The following ANKIB1 variants were observed in gnomAD, a reference collection of about 807,000 sequenced individuals.
ANKIB1 encodes the protein ankyrin repeat and IBR domain containing 1, also known as ankyrin repeat and IBR domain-containing protein 1.
ANKIB1 carries 43 observed loss-of-function variants against 122.1 expected under a neutral mutation model. The observed-to-expected ratio is 0.35, with a 90% CI of 0.28 to 0.45. ANKIB1 has a LOEUF of 0.45. ANKIB1 is among the 20% of genes least tolerant of loss of function. ANKIB1 has a pLI of 1.00. For synonymous variants in ANKIB1, 390 were observed against 442.0 expected (o/e 0.88, Z 1.48); for missense variants, 992 against 1,329.5 (o/e 0.75, Z 3.95).
chr7:92,286,128 T>C (rs1802117707), intron 1 of ANKIB1, among the ~76,000 whole-genome samples: 1 of 152,200 alleles, frequency 6.6e-6, no homozygotes, highest in Non-Finnish European at 1.5e-5. Context: ...CCATTCTCCT[T>C]ATTTTTCTCC....
intron 1 of ANKIB1, among the ~76,000 whole-genome samples, chr7:92,251,450 C>G (rs1801329317): frequency 1.3e-5 from 2 of 152,128 alleles, no homozygotes; most frequent in Admixed American, 1.3e-4. Context: ...TTCACATTTG[C>G]TGTATCACTA....
chr7:92,395,615 T>C (rs1804872361), intron 17 of ANKIB1, among the ~76,000 whole-genome samples: 1 of 146,260 alleles, frequency 6.8e-6, no homozygotes, highest in African/African-American at 2.5e-5. Flanking sequence ...CTCGGATCAC[T>C]GCAACCTCCA....
In ANKIB1 at chr7:92,279,353, C is replaced by T. The variant is rs565432738; in HGVS notation, c.-90-15536C>T. Reference sequence around the variant, plus strand: ...GAGGGATCATACTTCTTGTGATGTGCGCCAACTTGTAGCTTTTGGCAGGAA... The same window carrying T: ...GAGGGATCATACTTCTTGTGATGTGTGCCAACTTGTAGCTTTTGGCAGGAA... On this transcript the variant is annotated intron_variant, in intron 1 of 19. Transcript: ENST00000265742. 3.0e-4 allele frequency among the ~76,000 whole-genome samples: 46 copies of T among 152,224 alleles called. 1 individual carries two copies. In the South Asian group the frequency reaches 8.1e-3, roughly 27 times the overall value.
intron 17 of ANKIB1, among the ~76,000 whole-genome samples, chr7:92,393,052 T>A (rs1239364498): frequency 6.6e-6 from 1 of 152,100 alleles, no homozygotes; most frequent in Non-Finnish European, 1.5e-5. Flanking sequence ...GCCTATAATA[T>A]GATAACCCTT....
intron 12 of ANKIB1, among the ~76,000 whole-genome samples, chr7:92,387,182 A>T (rs1804673673): frequency 6.6e-6 from 1 of 151,950 alleles, no homozygotes; most frequent in South Asian, 2.1e-4. Context: ...AAGAGTACCA[A>T]CCCTATCAGA....
intron 1 of ANKIB1, among the ~76,000 whole-genome samples, chr7:92,262,195 A>G (rs768555890): frequency 2.6e-5 from 4 of 152,210 alleles, no homozygotes; most frequent in Non-Finnish European, 5.9e-5. Context: ...TGTAACTGTT[A>G]TATTTTGTTG....
At chr7:92,306,749 A>G (rs1220611120) in intron 2 of ANKIB1, among the ~76,000 whole-genome samples, 2 of 152,190 alleles carry the variant, frequency 1.3e-5, no homozygotes, top group African/African-American at 2.4e-5. Flanking sequence ...TGATATTTTT[A>G]TAATAGCTCA....
chr7:92,258,423 A>AC (rs1554333311), intron 1 of ANKIB1, among the ~76,000 whole-genome samples: 4 of 151,990 alleles, frequency 2.6e-5, no homozygotes, highest in African/African-American at 7.3e-5. Context: ...GCTGGGCCTC[A>AC]CCCCCCCAAA....
chr7:92,377,337 T>TA (rs1297648954), intron 11 of ANKIB1, among the ~76,000 whole-genome samples: 2 of 152,212 alleles, frequency 1.3e-5, no homozygotes, highest in Non-Finnish European at 2.9e-5. Flanking sequence ...ATATATATAT[T>TA]AAGTTTGCCA....
chr7:92,304,847 T>A (rs182162943), intron 2 of ANKIB1, among the ~76,000 whole-genome samples: 21 of 152,202 alleles, frequency 1.4e-4, no homozygotes, highest in Admixed American at 1.3e-3. Flanking sequence ...TTAAGCAACA[T>A]TATGGCTGTA....
intron 1 of ANKIB1, among the ~76,000 whole-genome samples, chr7:92,291,983 A>T (rs1157835760): frequency 1.3e-5 from 2 of 152,170 alleles, no homozygotes; most frequent in African/African-American, 4.8e-5. Context: ...TAGAAGCCCA[A>T]AATAAGGAAT....
In ANKIB1 at chr7:92,255,366, T is replaced by C. The variant is rs369271892; in HGVS notation, c.-91+8847T>C. Among the ~76,000 whole-genome samples the C allele has an allele frequency of 1.7e-4, 26 of 152,320 alleles. 1 individual carries two copies. The highest frequency in any genetic ancestry group is 2.8e-4 in the Non-Finnish European group (19 of 68,018). On this transcript the variant is annotated intron_variant, in intron 1 of 19. Coordinates refer to ENST00000265742, the MANE Select transcript of ANKIB1 (RefSeq NM_019004.2). ...TATAAATAAACAAGGGGGATTATTT[T>C]CCTCAAGTAATGAGAAATTAGAGGT...
chr7:92,303,766 A>G (rs1322153100), intron 2 of ANKIB1, among the ~76,000 whole-genome samples: 1 of 152,196 alleles, frequency 6.6e-6, no homozygotes, highest in East Asian at 1.9e-4. Flanking sequence ...ATTAGGGACA[A>G]TGATGAATAA....
Position 92,246,452 on chromosome 7 carries a change from G to GGGC in ANKIB1, c.-152_-150dup, listed in dbSNP as rs754856526. Reference sequence around the variant, plus strand: ...GTCACCAGCTCGGCTGTAGAGGCAGGGGCGGCGGAGGCGGAACTGCGGAGT... The same window carrying GGGC: ...GTCACCAGCTCGGCTGTAGAGGCAGGGGCGGCGGCGGAGGCGGAACTGCGGAGT... On this transcript the variant is annotated 5_prime_UTR_variant, in exon 1 of 20. Coordinates refer to ENST00000265742, the MANE Select transcript of ANKIB1 (RefSeq NM_019004.2). 7.7e-6 allele frequency: 4 copies of GGGC among 517,720 alleles called. No homozygotes were observed. Among genetic ancestry groups the GGGC allele is most frequent in the African/African-American group, 7.7e-5 (4 of 51,952 alleles). 32.1% of individuals were successfully genotyped at this position (517,720 alleles called of 1,614,324 possible). A position where few individuals can be genotyped will look rare whatever the true frequency, so the allele number is the denominator to read the frequency against.
At chr7:92,384,816 A>G (rs1277232051) in intron 11 of ANKIB1, among the ~76,000 whole-genome samples, 2 of 152,244 alleles carry the variant, frequency 1.3e-5, no homozygotes, top group East Asian at 1.9e-4. Flanking sequence ...CATTCAGGAC[A>G]TAGGCATGGA....
intron 3 of ANKIB1, among the ~76,000 whole-genome samples, chr7:92,308,077 G>A (rs1172154607): frequency 6.6e-6 from 1 of 151,800 alleles, no homozygotes; most frequent in Non-Finnish European, 1.5e-5. Context: ...TCACCATGTT[G>A]GCCAGGATGG....
chr7:92,279,834 C>A (rs1801980726), intron 1 of ANKIB1, among the ~76,000 whole-genome samples: 1 of 152,082 alleles, frequency 6.6e-6, no homozygotes, highest in Admixed American at 6.6e-5. Flanking sequence ...ATCCTGGCAA[C>A]CTTAGAGTCC....
At chr7:92,313,344 C>T (rs1327496840) in intron 3 of ANKIB1, among the ~76,000 whole-genome samples, 1 of 152,166 alleles carries the variant, frequency 6.6e-6, no homozygotes, top group African/African-American at 2.4e-5. Context: ...AAAAACCATT[C>T]ACAGGTCAGA....
At chr7:92,363,324 T>C (rs1310938327) in intron 10 of ANKIB1, among the ~76,000 whole-genome samples, 1 of 152,032 alleles carries the variant, frequency 6.6e-6, no homozygotes, top group African/African-American at 2.4e-5. Context: ...GGCAGGAGAA[T>C]TGCTTGAACC....
Sources: gnomAD v4.1 joint callset for allele counts (sites outside exome capture counted in the v4.1 genomes callset) on GRCh38, gnomAD v4.1.1 for gene constraint, MANE v1.5 for transcripts, NCBI Gene and HGNC (gene_info 2026-07-23, HGNC 2026-07-21) for gene names.